NOTCH3: variants seen among roughly 807,000 people sequenced by gnomAD.
The protein encoded by NOTCH3 is notch receptor 3.
Under a neutral mutation model 213.3 loss-of-function variants are expected in NOTCH3, and 86 were observed. That is an observed-to-expected ratio of 0.40 (90% CI 0.34 to 0.48). NOTCH3 has a LOEUF of 0.48. Ranked by LOEUF, NOTCH3 falls within the 20% of genes least tolerant of loss-of-function variation. NOTCH3 has a pLI of 0.57. For missense variants in NOTCH3, 2,783 were observed against 3,272.6 expected, an observed-to-expected ratio of 0.85 and a Z score of 3.65; for synonymous variants, 1,354 against 1,355.9, an observed-to-expected ratio of 1.00 and a Z score of 0.03.
chr19:15,185,360 C>G lies in NOTCH3; in HGVS notation c.2193G>C (p.Gln731His). The G allele has an allele frequency of 6.2e-7, 1 of 1,612,486 alleles. No individual in the cohort carries two copies. The highest frequency in any genetic ancestry group is 1.7e-5 in the Admixed American group (1 of 59,948). ...ACTCACAGGCGTCTCGGGCCAGGCT[C>G]TGGCTGCAGCGGGGGCCACTCCAGC... ...EPGWSGPRCS[Q>H]SLARDACESQ... is the part of the protein sequence containing the mutation. Residue 731 changes from glutamine to histidine, a missense_variant, in exon 14 of 33, where the codon CAG (glutamine) becomes CAC (histidine). Physicochemically the swap from Gln to His is conservative, Grantham distance 24. This residue lies in a region of NOTCH3 where 861 missense variants were observed against 909.1 expected (regional missense o/e 0.95). Coordinates refer to ENST00000263388, the MANE Select transcript of NOTCH3 (RefSeq NM_000435.3). The surrounding 1 kb of genome is among the most constrained non-coding windows in gnomAD (Gnocchi z 4.2).
chr19:15,160,327 A>T lies in NOTCH3; in HGVS notation c.*335T>A, dbSNP rs2046629306. On this transcript the variant is annotated 3_prime_UTR_variant, in exon 33 of 33. Transcript: ENST00000263388. ...AATGTAAAAAAAAAAAGAAAAATAAAAATAATAATAATTCATTCATGTCAG... is the reference window on the plus strand; with the variant it reads ...AATGTAAAAAAAAAAAGAAAAATAATAATAATAATAATTCATTCATGTCAG... 1 of 267,352 alleles carries T rather than the reference A, an allele frequency of 3.7e-6. No individual in the cohort carries two copies. Among genetic ancestry groups the T allele is most frequent in the East Asian group, 5.6e-5 (1 of 17,818 alleles). The allele number at this position is 267,352 out of a possible 1,614,324, so 16.6% of individuals were successfully genotyped here. A position where few individuals can be genotyped will look rare whatever the true frequency, so the allele number is the denominator to read the frequency against.
chr19:15,184,337 T>C lies in NOTCH3; in HGVS notation c.2524A>G (p.Thr842Ala). The C allele has an allele frequency of 1.2e-6, 2 of 1,614,014 alleles. No individual in the cohort carries two copies. The highest frequency in any genetic ancestry group is 1.7e-6 in the Non-Finnish European group (2 of 1,180,006). The change falls in exon 16 of 33, where the codon ACT becomes GCT. Residue 842 changes from threonine to alanine, a missense_variant. By Grantham distance (58) the Thr-to-Ala change is moderately conservative. Coordinates refer to ENST00000263388, the MANE Select transcript of NOTCH3 (RefSeq NM_000435.3). ...SFSCTCHGGY[T>A]GPSCDQDIND... ...ATGTCCTGATCGCAGGAAGGGCCAG[T>C]GTACCCTCCATGGCAGGTGCAGCTG...
intron 10 of NOTCH3, 63 bp from the exon 11 acceptor site, chr19:15,187,401 C>T (rs952772115): frequency 4.1e-5 from 60 of 1,451,364 alleles, no homozygotes; most frequent in Non-Finnish European, 5.7e-5. Flanking sequence ...AGTGAGGCCT[C>T]GGACCAATCC....
In NOTCH3 at chr19:15,162,504, C is replaced by T. The variant is rs1456067040; in HGVS notation, c.5874G>A (p.Leu1958=). 6.2e-7 allele frequency: 1 copy of T among 1,613,780 alleles called. No homozygotes were observed. Among genetic ancestry groups the T allele is most frequent in the African/African-American group, 1.3e-5 (1 of 74,892 alleles). ...TGTCCTTATTGGCTCCATTTTTGAG[C>T]AGGGCCAAAGTGGCTTCCACGTTGT... The part of the protein sequence containing the change: ...AVNNVEATLA[L]LKNGANKDMQ... The change falls in exon 32 of 33, where the codon CTG becomes CTA. Residue 1958 remains leucine (L), a synonymous_variant. Transcript: ENST00000263388.
chr19:15,186,464 GCA>G (rs2046882686), intron 12 of NOTCH3, among the ~76,000 whole-genome samples: 1 of 150,990 alleles, frequency 6.6e-6, no homozygotes, highest in Non-Finnish European at 1.5e-5. Flanking sequence ...GAGTACAGTG[GCA>G]CAATCTTGGC....
rs1469970917 is a variant in NOTCH3 at position 15,184,397 on chromosome 19, G to A, written c.2464C>T (p.Pro822Ser). The A allele has an allele frequency of 8.7e-6, 14 of 1,613,882 alleles. No individual in the cohort carries two copies. Among genetic ancestry groups the A allele is most frequent in the Non-Finnish European group, 1.2e-5 (14 of 1,179,938 alleles). Reference protein sequence around the residue: ...DECAGPAPCGPHGICTNLAGS... With the variant: ...DECAGPAPCGSHGICTNLAGS... ...GCCAGGTTGGTGCAGATACCATGAGGGCCACAGGGTGCGGGGCCAGCACAC... is the reference window on the plus strand; with the variant it reads ...GCCAGGTTGGTGCAGATACCATGAGAGCCACAGGGTGCGGGGCCAGCACAC... Residue 822 changes from proline to serine, a missense_variant, in exon 16 of 33, where the codon CCT (proline) becomes TCT (serine). Around this residue, in one of 6 missense-constraint regions of NOTCH3, gnomAD observed 861 missense variants for 909.1 expected, o/e 0.95. Coordinates refer to ENST00000263388, the MANE Select transcript of NOTCH3 (RefSeq NM_000435.3).
rs1424623808 is a variant in NOTCH3, at chr19:15,181,582, C to A, written c.2786G>T (p.Ser929Ile). 1.3e-6 allele frequency: 2 copies of A among 1,550,454 alleles called. No individual in the cohort carries two copies. Among genetic ancestry groups the A allele is most frequent in the Non-Finnish European group, 1.7e-6 (2 of 1,146,756 alleles). The change falls in exon 17 of 33, where the codon AGC becomes ATC. Residue 929 changes from serine (S) to isoleucine (I), a missense_variant. Ser to Ile is a moderately radical substitution (Grantham distance 142). Transcript: ENST00000263388. ...AAGCAGAGGCCCCGCCCACCTGGGGCTGCAGTCGGGCAGGTCCTGTTCGCA... is the reference window on the plus strand; with the variant it reads ...AAGCAGAGGCCCCGCCCACCTGGGGATGCAGTCGGGCAGGTCCTGTTCGCA... ...FHCEQDLPDC[S>I]PSSCFNGGTC...
intron 32 of NOTCH3, 99 bp from the exon 33 acceptor site, chr19:15,161,813 C>T (rs1222743353): frequency 5.7e-6 from 6 of 1,051,318 alleles, no homozygotes; most frequent in African/African-American, 4.7e-5. Flanking sequence ...AGTTTGTACA[C>T]TGGAGCTTGA....
intron 28 of NOTCH3, among the ~76,000 whole-genome samples, chr19:15,167,896 T>C (rs2046699321): frequency 3.3e-5 from 1 of 30,370 alleles, no homozygotes; most frequent in Non-Finnish European, 7.1e-5. Context: ...TTCTTTTTTT[T>C]TTTTTTTTTG....
intron 25 of NOTCH3, 147 bp downstream of exon 25, chr19:15,173,921 G>A: frequency 1.5e-6 from 1 of 655,532 alleles, no homozygotes; most frequent in Non-Finnish European, 2.5e-6. Flanking sequence ...TCCATCTGGA[G>A]GCATTTTTTG....
At chr19:15,196,985 G>A (rs1332641674) in intron 2 of NOTCH3, among the ~76,000 whole-genome samples, 1 of 152,154 alleles carries the variant, frequency 6.6e-6, no homozygotes, top group African/African-American at 2.4e-5. Flanking sequence ...TTTCACAGGT[G>A]CAATGATGAT....
intron 25 of NOTCH3, among the ~76,000 whole-genome samples, chr19:15,171,191 A>C (rs1171244741): frequency 6.6e-6 from 1 of 151,832 alleles, no homozygotes; most frequent in African/African-American, 2.4e-5. Flanking sequence ...ATGCCCAGCT[A>C]ATTTTTTTGT....
At chr19:15,186,785 G>C in intron 12 of NOTCH3, 93 bp downstream of exon 12, 1 of 981,220 alleles carries the variant, frequency 1.0e-6, no homozygotes, top group Non-Finnish European at 1.6e-6. Context: ...CGTTGGACAA[G>C]AGTCTGCAAA....
chr19:15,189,540 C>T (rs1208817431), intron 6 of NOTCH3, 112 bp from the exon 7 acceptor site: 6 of 1,340,858 alleles, frequency 4.5e-6, no homozygotes, highest in Middle Eastern at 1.9e-4. Context: ...TTTTTTGAGA[C>T]GAAGTTTCGC....
intron 4 of NOTCH3, 29 bp downstream of exon 4, chr19:15,191,930 CT>C: frequency 6.2e-7 from 1 of 1,613,656 alleles, no homozygotes; most frequent in Non-Finnish European, 8.5e-7. Context: ...ACGCCCACCC[CT>C]CTGACTCTCC....
At position 15,174,325 on chromosome 19, in the gene NOTCH3, G is replaced by A. The variant is rs2046768767; in HGVS notation, c.4479C>T (p.Cys1493=). 3.2e-6 allele frequency: 5 copies of A among 1,553,290 alleles called. No homozygotes were observed. The highest frequency in any genetic ancestry group is 4.4e-6 in the Non-Finnish European group (5 of 1,149,000). ...RCDQGCNTEE[C]GWDGLDCASE... Reference sequence around the variant, plus strand: ...TGGCACAATCCAGCCCATCCCAGCCGCACTCCTCCGTGTTGCAGCCCTGGT... The same window carrying A: ...TGGCACAATCCAGCCCATCCCAGCCACACTCCTCCGTGTTGCAGCCCTGGT... Residue 1493 remains cysteine (C), a synonymous_variant, in exon 25 of 33, where the codon TGC becomes TGT. Coordinates refer to ENST00000263388, the MANE Select transcript of NOTCH3 (RefSeq NM_000435.3).
At chr19:15,163,044 C>T (rs2046659098) in intron 31 of NOTCH3, among the ~76,000 whole-genome samples, 1 of 152,156 alleles carries the variant, frequency 6.6e-6, no homozygotes. Context: ...GCTGGGACTA[C>T]AGGCATGTAC....
chr19:15,172,045 C>G (rs376477043), intron 25 of NOTCH3, among the ~76,000 whole-genome samples: 13 of 152,118 alleles, frequency 8.5e-5, no homozygotes, highest in Admixed American at 6.5e-4. Flanking sequence ...TACAGGCATG[C>G]GCCACCACGC....
At position 15,181,787 on chromosome 19, in the gene NOTCH3, C is replaced by G. The variant is rs757098265; in HGVS notation, c.2581G>C (p.Gly861Arg). 2.3e-5 allele frequency: 36 copies of G among 1,560,058 alleles called. No homozygotes were observed. The highest frequency in any genetic ancestry group is 3.0e-5 in the Non-Finnish European group (34 of 1,151,822). Reference sequence around the variant, plus strand: ...CCCACGCCGTCTTGGCACGAGCCACCGTTCAGGCATGGGTCTGCGGACAGG... The same window carrying G: ...CCCACGCCGTCTTGGCACGAGCCACGGTTCAGGCATGGGTCTGCGGACAGG... ...NDCDPNPCLN[G>R]GSCQDGVGSF... Residue 861 changes from glycine to arginine, a missense_variant, in exon 17 of 33, where the codon GGT becomes CGT. Gly to Arg is a moderately radical substitution (Grantham distance 125). Around this residue, in one of 6 missense-constraint regions of NOTCH3, gnomAD observed 861 missense variants for 909.1 expected, o/e 0.95. Coordinates refer to ENST00000263388, the MANE Select transcript of NOTCH3 (RefSeq NM_000435.3).
Sources: gnomAD v4.1 joint callset for allele counts (sites outside exome capture counted in the v4.1 genomes callset) on GRCh38, gnomAD v4.1.1 for gene constraint, gnomAD v4.1.1 regional missense constraint, Gnocchi (gnomAD v3.1) non-coding constraint, MANE v1.5 for transcripts, NCBI Gene and HGNC (gene_info 2026-07-23, HGNC 2026-07-21) for gene names.